Variants in RSF1 observed in about 807,000 individuals in gnomAD.
The protein encoded by RSF1 is remodeling and spacing factor 1.
Under a neutral mutation model 145.2 loss-of-function variants are expected in RSF1, and 13 were observed. The observed-to-expected ratio is 0.09, with a 90% CI of 0.06 to 0.14. RSF1 has a LOEUF of 0.14. Ranked by LOEUF, RSF1 falls within the 10% of genes least tolerant of loss-of-function variation. RSF1 has a pLI of 1.00. For synonymous variants in RSF1, 577 were observed against 592.6 expected, an observed-to-expected ratio of 0.97 and a Z score of 0.38; for missense variants, 1,517 against 1,718.2, an observed-to-expected ratio of 0.88 and a Z score of 2.07.
intron 5 of RSF1, among the ~76,000 whole-genome samples, chr11:77,711,998 G>T (rs1459168148): frequency 2.1e-5 from 3 of 144,758 alleles, no homozygotes; most frequent in Admixed American, 1.4e-4. Flanking sequence ...GTTTTCTCTA[G>T]ATTAGATTGA....
chr11:77,703,003 A>C (rs1293596480), intron 5 of RSF1: 1 of 152,192 alleles, frequency 6.6e-6, no homozygotes, highest in African/African-American at 2.4e-5. Flanking sequence ...GTAATATTTT[A>C]GGTTACTTCC....
At chr11:77,814,945 T>C (rs1400332487) in intron 1 of RSF1, among the ~76,000 whole-genome samples, 1 of 152,206 alleles carries the variant, frequency 6.6e-6, no homozygotes, top group Non-Finnish European at 1.5e-5. Context: ...GCAAACCTCA[T>C]ACAGAGCACA....
intron 1 of RSF1, among the ~76,000 whole-genome samples, chr11:77,784,805 G>T (rs1948438288): frequency 6.6e-6 from 1 of 152,140 alleles, no homozygotes; most frequent in African/African-American, 2.4e-5. Flanking sequence ...AACATCTCCA[G>T]TGTAAGTTCT....
At chr11:77,831,687 T>G in the RSF1 span, among the ~76,000 whole-genome samples, 1 of 148,902 alleles carries the variant, frequency 6.7e-6, no homozygotes. Context: ...TCACATTACT[T>G]AGGTATCTTT....
chr11:77,746,274 G>C (rs1947999293), intron 3 of RSF1, among the ~76,000 whole-genome samples: 1 of 152,196 alleles, frequency 6.6e-6, no homozygotes, highest in Middle Eastern at 3.4e-3. Context: ...TTCTGAGACA[G>C]GTATCTTTTG....
chr11:77,696,376 A>G (rs1960277307), intron 7 of RSF1, among the ~76,000 whole-genome samples: 1 of 152,188 alleles, frequency 6.6e-6, no homozygotes, highest in Admixed American at 6.5e-5. Flanking sequence ...TCTGCTGTTA[A>G]AGCTCAATTA....
intron 1 of RSF1, among the ~76,000 whole-genome samples, chr11:77,778,403 C>CA (rs1431437446): frequency 6.6e-6 from 1 of 152,030 alleles, no homozygotes; most frequent in African/African-American, 2.4e-5. Context: ...TTATATGTGA[C>CA]ACTGAACAAA....
intron 11 of RSF1, among the ~76,000 whole-genome samples, chr11:77,682,013 T>C (rs988124490): frequency 5.3e-5 from 8 of 152,246 alleles, no homozygotes; most frequent in South Asian, 2.1e-4. Flanking sequence ...CTATGGTTTT[T>C]CCTGTATAAT....
At chr11:77,826,797 C>T in the RSF1 span, among the ~76,000 whole-genome samples, 4 of 152,120 alleles carry the variant, frequency 2.6e-5, no homozygotes, top group East Asian at 1.9e-4. Context: ...TGAATGAACC[C>T]ATAATAAGTA....
At chr11:77,764,064 T>G (rs961520989) in intron 2 of RSF1, 9 of 152,486 alleles carry the variant, frequency 5.9e-5, no homozygotes, top group African/African-American at 2.2e-4. Context: ...ATCCTTCGCA[T>G]GTGCAGTTCA....
At chr11:77,679,816 C>T (rs780997756) in intron 11 of RSF1, among the ~76,000 whole-genome samples, 6 of 151,952 alleles carry the variant, frequency 3.9e-5, no homozygotes, top group African/African-American at 7.3e-5. Context: ...AGCTGTTTAC[C>T]TTGACTTAAA....
At chr11:77,782,540 CAAAAA>C (rs781781029) in intron 1 of RSF1, among the ~76,000 whole-genome samples, 1 of 132,634 alleles carries the variant, frequency 7.5e-6, no homozygotes, top group South Asian at 2.3e-4. Flanking sequence ...GAATCCGTCT[CAAAAA>C]AAAAAAAAGA....
In RSF1 at chr11:77,667,490, C is replaced by A; in HGVS notation, c.3753G>T (p.Glu1251Asp). 6.2e-7 allele frequency: 1 copy of A among 1,606,152 alleles called. No individual in the cohort carries two copies. Residue 1251 changes from glutamate (E) to aspartate (D), a missense_variant and splice_region_variant, in exon 16 of 16, where the codon GAG (glutamate) becomes GAT (aspartate). Physicochemically the swap from Glu to Asp is conservative, Grantham distance 45. This residue lies in a region of RSF1 where 240 missense variants were observed against 231.8 expected (regional missense o/e 1.04). Transcript: ENST00000308488. ...CTTCAGAGTTCTTGGACAAATAGCT[C>A]TCTAGAATAAACAGCACATTTAAGC... ...KRRLSSSESE[E>D]SYLSKNSEDD... is the part of the protein sequence containing the mutation.
chr11:77,836,881 CT>C, the RSF1 span, among the ~76,000 whole-genome samples: 2 of 152,096 alleles, frequency 1.3e-5, no homozygotes, highest in Non-Finnish European at 2.9e-5. Context: ...AGGAGAATCG[CT>C]TGAACCCGGG....
chr11:77,813,721 G>T (rs1185899362), intron 1 of RSF1: 3 of 399,002 alleles, frequency 7.5e-6, no homozygotes, highest in Non-Finnish European at 1.5e-5. Flanking sequence ...CGGCGAGAGC[G>T]AACAGTAGTG....
the RSF1 span, among the ~76,000 whole-genome samples, chr11:77,834,378 T>G: frequency 6.6e-6 from 1 of 151,302 alleles, no homozygotes; most frequent in African/African-American, 2.4e-5. Context: ...ATTATCAAAC[T>G]GAGAAGGGCA....
intron 1 of RSF1, among the ~76,000 whole-genome samples, chr11:77,794,673 C>T (rs1156993690): frequency 2.0e-5 from 3 of 152,078 alleles, no homozygotes; most frequent in African/African-American, 4.8e-5. Context: ...AAACTCTCAA[C>T]AAACTAGGCA....
Position 77,808,058 on chromosome 11 carries a change from G to A in RSF1, c.187+12470C>T, listed in dbSNP as rs548049708. 2.6e-5 allele frequency among the ~76,000 whole-genome samples: 4 copies of A among 152,268 alleles called. No individual in the cohort carries two copies. In the South Asian group the frequency reaches 8.3e-4, roughly 32 times the overall value. ...TTTTTAAATAAAAAAATTAGGCTGG[G>A]TGCGGTGGCTCACACCTGTAATCCC... On this transcript the variant is annotated intron_variant, in intron 1 of 15. Transcript: ENST00000308488.
At chr11:77,857,424 T>A in the RSF1 span, among the ~76,000 whole-genome samples, 1 of 152,188 alleles carries the variant, frequency 6.6e-6, no homozygotes, top group East Asian at 1.9e-4. Context: ...GCTCTTCAAT[T>A]TGTCACTATC....
Sources: gnomAD v4.1 joint callset for allele counts (sites outside exome capture counted in the v4.1 genomes callset) on GRCh38, gnomAD v4.1.1 for gene constraint, gnomAD v4.1.1 regional missense constraint, MANE v1.5 for transcripts, NCBI Gene and HGNC (gene_info 2026-07-23, HGNC 2026-07-21) for gene names.